RUNX1T1: variants seen among roughly 807,000 people sequenced by gnomAD.
The protein encoded by RUNX1T1 is protein CBFA2T1.
RUNX1T1 carries 4 observed loss-of-function variants against 62.8 expected under a neutral mutation model. The observed-to-expected ratio is 0.06, with a 90% CI of 0.03 to 0.15. The LOEUF (loss-of-function observed/expected upper bound fraction) is 0.15. RUNX1T1 is among the 10% of genes least tolerant of loss of function. RUNX1T1 has a pLI of 1.00. For missense variants in RUNX1T1, 508 were observed against 754.3 expected (o/e 0.67, Z 3.82); for synonymous variants, 291 against 286.0 (o/e 1.02, Z -0.18).
At chr8:92,062,457 T>C in intron 1 of RUNX1T1, 1 of 1,394,732 alleles carries the variant, frequency 7.2e-7, no homozygotes, top group Non-Finnish European at 1.0e-6. Flanking sequence ...TACAACACGC[T>C]GTGGGGCAGA....
chr8:92,088,593 T>C (rs1287380549), intron 1 of RUNX1T1, among the ~76,000 whole-genome samples: 1 of 152,234 alleles, frequency 6.6e-6, no homozygotes, highest in Non-Finnish European at 1.5e-5. Context: ...GGTACCATTA[T>C]AGATCTGCTT....
chr8:92,067,156 T>A (rs1200512746), upstream of RUNX1T1, among the ~76,000 whole-genome samples: 1 of 152,190 alleles, frequency 6.6e-6, no homozygotes, highest in African/African-American at 2.4e-5. Flanking sequence ...GTGCTAGCAA[T>A]GAGATGGAGT....
intron 8 of RUNX1T1, among the ~76,000 whole-genome samples, chr8:91,983,177 T>C (rs898329873): frequency 4.6e-5 from 7 of 151,818 alleles, no homozygotes; most frequent in Non-Finnish European, 1.5e-5. Context: ...TCGTGATCCG[T>C]CTGCCTCGGC....
chr8:91,972,862 G>A (rs1813137162), intron 9 of RUNX1T1, among the ~76,000 whole-genome samples: 1 of 151,918 alleles, frequency 6.6e-6, no homozygotes, highest in Non-Finnish European at 1.5e-5. Context: ...ATATACTGAA[G>A]AAAACATTGT....
intron 1 of RUNX1T1, among the ~76,000 whole-genome samples, chr8:92,078,807 T>C (rs1225094874): frequency 6.6e-6 from 1 of 152,208 alleles, no homozygotes; most frequent in South Asian, 2.1e-4. Context: ...GATGGGAATG[T>C]AATCATTGGC....
intron 1 of RUNX1T1, among the ~76,000 whole-genome samples, chr8:92,021,957 C>A (rs1824181245): frequency 6.6e-6 from 1 of 150,858 alleles, no homozygotes; most frequent in Non-Finnish European, 1.5e-5. Context: ...GTAGATCACA[C>A]ATCCTCTTTC....
intron 1 of RUNX1T1, among the ~76,000 whole-genome samples, chr8:92,031,305 C>G (rs1046854060): frequency 1.3e-5 from 2 of 152,130 alleles, no homozygotes. Context: ...CATTCAACCC[C>G]TATTGTGTGT....
chr8:92,077,115 T>A (rs188680667), intron 1 of RUNX1T1, among the ~76,000 whole-genome samples: 46 of 152,246 alleles, frequency 3.0e-4, no homozygotes, highest in Non-Finnish European at 4.0e-4. Context: ...ACAAGCAGGT[T>A]CTATTTTTTA....
intron 7 of RUNX1T1, among the ~76,000 whole-genome samples, 176 bp downstream of exon 8, chr8:91,986,711 T>C (rs1816637261): frequency 6.6e-6 from 1 of 152,210 alleles, no homozygotes; most frequent in Non-Finnish European, 1.5e-5. Context: ...GACTTTCATA[T>C]CAATTTAGAA....
At chr8:92,042,435 T>A (rs1440177513) in intron 1 of RUNX1T1, among the ~76,000 whole-genome samples, 1 of 152,176 alleles carries the variant, frequency 6.6e-6, no homozygotes, top group African/African-American at 2.4e-5. Context: ...CACCTCGGCC[T>A]TCTGACCGAC....
chr8:91,974,657 G>A (rs1445045520), intron 9 of RUNX1T1, among the ~76,000 whole-genome samples: 3 of 152,000 alleles, frequency 2.0e-5, no homozygotes, highest in African/African-American at 7.2e-5. Flanking sequence ...TAACAGCTTG[G>A]GAATACTACA....
At chr8:92,014,393 G>A (rs753237728) in intron 3 of RUNX1T1, among the ~76,000 whole-genome samples, 186 bp downstream of exon 4, 2 of 152,034 alleles carry the variant, frequency 1.3e-5, no homozygotes, top group South Asian at 4.1e-4. Context: ...AAAAACTCTG[G>A]TGGGGTCAAT....
At chr8:92,076,678 T>C (rs556584274) in intron 1 of RUNX1T1, among the ~76,000 whole-genome samples, 4 of 151,692 alleles carry the variant, frequency 2.6e-5, no homozygotes, top group Non-Finnish European at 5.9e-5. Context: ...CCTTATGTAA[T>C]AGAATAGTTA....
At chr8:92,027,009 G>A (rs1385451907) in intron 1 of RUNX1T1, among the ~76,000 whole-genome samples, 4 of 143,982 alleles carry the variant, frequency 2.8e-5, no homozygotes, top group South Asian at 2.2e-4. Flanking sequence ...CCAGCTACTC[G>A]GGAGGCTGAG....
upstream of RUNX1T1, among the ~76,000 whole-genome samples, chr8:92,066,087 A>T (rs1832832846): frequency 6.6e-6 from 1 of 152,226 alleles, no homozygotes; most frequent in African/African-American, 2.4e-5. Flanking sequence ...AATGGGTTCA[A>T]ATGGAGCATT....
intron 2 of RUNX1T1, among the ~76,000 whole-genome samples, chr8:92,073,336 G>T (rs1833953709): frequency 6.6e-6 from 1 of 152,148 alleles, no homozygotes; most frequent in Admixed American, 6.5e-5. Flanking sequence ...CACCCAAGCT[G>T]GTGGCATACC....
chr8:92,001,620 A>C (rs547562830), intron 5 of RUNX1T1, among the ~76,000 whole-genome samples: 52 of 152,326 alleles, frequency 3.4e-4, no homozygotes, highest in African/African-American at 1.1e-3. Flanking sequence ...AACATCCATC[A>C]TTTGAGATAG....
exon 1 of RUNX1T1, chr8:92,099,658 C>T (rs1837950660): frequency 9.1e-6 from 9 of 985,214 alleles, no homozygotes; most frequent in Non-Finnish European, 7.2e-6. Context: ...TTTCAGACTG[C>T]TTTGCTATGA....
chr8:91,989,771 G>A (rs1477581418), intron 6 of RUNX1T1, among the ~76,000 whole-genome samples: 1 of 152,176 alleles, frequency 6.6e-6, no homozygotes, highest in Non-Finnish European at 1.5e-5. Flanking sequence ...GCTTTGTGTA[G>A]AAGGGAGTTG....
Sources: allele counts gnomAD v4.1 joint callset (sites outside exome capture counted in the v4.1 genomes callset), GRCh38; gene constraint gnomAD v4.1.1; transcripts MANE v1.5; gene names NCBI Gene and HGNC (gene_info 2026-07-23, HGNC 2026-07-21).